Variants in PHACTR4 observed in about 807,000 individuals in gnomAD.
PHACTR4 encodes phosphatase and actin regulator 4.
In PHACTR4, 51 loss-of-function variants were observed where a neutral mutation model predicts 72.7. The observed-to-expected ratio is 0.70, with a 90% CI of 0.56 to 0.89. The LOEUF (loss-of-function observed/expected upper bound fraction) is 0.89, where lower values mean the gene tolerates loss of function less well. Among genes scored for constraint, PHACTR4 ranks in the 40% least tolerant of loss-of-function variants. The pLI is 0.00. For missense variants in PHACTR4, 731 were observed against 861.8 expected, an observed-to-expected ratio of 0.85 and a Z score of 1.90; for synonymous variants, 255 against 302.5, an observed-to-expected ratio of 0.84 and a Z score of 1.63.
intron 6 of PHACTR4, among the ~76,000 whole-genome samples, chr1:28,467,673 T>G (rs1300285829): frequency 6.6e-6 from 1 of 152,226 alleles, no homozygotes; most frequent in Non-Finnish European, 1.5e-5. Flanking sequence ...CACAGGGAAC[T>G]GCAGAAGCTA....
intron 4 of PHACTR4, among the ~76,000 whole-genome samples, chr1:28,462,217 CAG>C (rs1267146570): frequency 6.6e-6 from 1 of 151,344 alleles, no homozygotes; most frequent in Non-Finnish European, 1.5e-5. Context: ...CCATGTTGGC[CAG>C]ACTGGTCTCG....
At chr1:28,443,875 A>G (rs1294040415) in intron 2 of PHACTR4, among the ~76,000 whole-genome samples, 1 of 152,176 alleles carries the variant, frequency 6.6e-6, no homozygotes, top group Admixed American at 6.6e-5. Flanking sequence ...GAGTAGTACT[A>G]CAGTAAACAT....
At chr1:28,478,523 C>T (rs1660066305) in intron 8 of PHACTR4, among the ~76,000 whole-genome samples, 1 of 152,156 alleles carries the variant, frequency 6.6e-6, no homozygotes, top group African/African-American at 2.4e-5. Flanking sequence ...CCTCCGCCTC[C>T]CAGGTTCAAG....
At chr1:28,469,175 A>G (rs1659406140) in intron 6 of PHACTR4, among the ~76,000 whole-genome samples, 1 of 152,228 alleles carries the variant, frequency 6.6e-6, no homozygotes, top group Non-Finnish European at 1.5e-5. Context: ...TCACAAAAGG[A>G]TTATGATCAT....
At chr1:28,456,578 C>T (rs879389857) in intron 2 of PHACTR4, among the ~76,000 whole-genome samples, 3 of 152,102 alleles carry the variant, frequency 2.0e-5, no homozygotes, top group Admixed American at 1.3e-4. Context: ...ATCTTCCCAC[C>T]TCAGCCTCGC....
chr1:28,399,388 G>A (rs977083638), intron 1 of PHACTR4, among the ~76,000 whole-genome samples: 2 of 152,166 alleles, frequency 1.3e-5, no homozygotes, highest in Non-Finnish European at 2.9e-5. Flanking sequence ...AGTTTAGTAT[G>A]TCTCTACTGT....
intron 13 of PHACTR4, among the ~76,000 whole-genome samples, chr1:28,495,910 C>T (rs954606336): frequency 5.3e-5 from 8 of 151,800 alleles, no homozygotes; most frequent in Admixed American, 2.0e-4. Context: ...CATGAGCCAC[C>T]GTGACTGGCC....
At chr1:28,453,381 T>A (rs373315681) in intron 2 of PHACTR4, among the ~76,000 whole-genome samples, 2 of 151,308 alleles carry the variant, frequency 1.3e-5, no homozygotes, top group Admixed American at 6.6e-5. Flanking sequence ...CAGAGAAGAG[T>A]CATGACATTA....
intron 4 of PHACTR4, among the ~76,000 whole-genome samples, chr1:28,463,497 T>C (rs1457553541): frequency 6.6e-6 from 1 of 152,230 alleles, no homozygotes; most frequent in African/African-American, 2.4e-5. Context: ...AACTTTATTA[T>C]GTTGTTTTCA....
At chr1:28,488,680 TAGA>T (rs779289639) in intron 9 of PHACTR4, among the ~76,000 whole-genome samples, 8 of 152,144 alleles carry the variant, frequency 5.3e-5, no homozygotes, top group South Asian at 2.1e-4. Flanking sequence ...ATCTGAGTCA[TAGA>T]AGAAGTTTTG....
At chr1:28,395,270 G>A (rs1653405578) in intron 1 of PHACTR4, among the ~76,000 whole-genome samples, 2 of 151,486 alleles carry the variant, frequency 1.3e-5, no homozygotes, top group Non-Finnish European at 2.9e-5. Flanking sequence ...GATACATAAC[G>A]ATGCCAGAAA....
At chr1:28,476,772 C>CTTTTTTTTT (rs35369238) in intron 8 of PHACTR4, among the ~76,000 whole-genome samples, 2 of 98,432 alleles carry the variant, frequency 2.0e-5, no homozygotes, top group Non-Finnish European at 3.9e-5. Context: ...CTAGCCTGTT[C>CTTTTTTTTT]TTTTTTTTTT....
At chr1:28,370,258 C>T (rs1375282178) in intron 1 of PHACTR4, among the ~76,000 whole-genome samples, 2 of 152,180 alleles carry the variant, frequency 1.3e-5, no homozygotes, top group Non-Finnish European at 2.9e-5. Context: ...CTGCCTCAGA[C>T]CTCTGCACCC....
intron 6 of PHACTR4, 57 bp downstream of exon 6, chr1:28,466,825 T>C (rs1226613706): frequency 2.0e-5 from 30 of 1,533,564 alleles, no homozygotes; most frequent in Non-Finnish European, 2.6e-5. Context: ...TGGATGGTTA[T>C]TTTATTTGAT....
At chr1:28,453,668 GA>G in intron 2 of PHACTR4, 1 of 1,296,288 alleles carries the variant, frequency 7.7e-7, no homozygotes, top group Non-Finnish European at 1.1e-6. Flanking sequence ...AAATCAGATT[GA>G]AAGATGGACC....
Position 28,424,426 on chromosome 1 carries a change from A to G in PHACTR4, c.16+16963A>G, listed in dbSNP as rs1655704039. 2.6e-5 allele frequency among the ~76,000 whole-genome samples: 4 copies of G among 152,218 alleles called. No homozygotes were observed. The South Asian group carries it at 8.3e-4, about 32-fold the overall frequency. On this transcript the variant is annotated intron_variant, in intron 2 of 13. Coordinates refer to ENST00000373839, the MANE Select transcript of PHACTR4 (RefSeq NM_001048183.3). ...CCCACTTCAGCCTTCCAAAGTGCTA[A>G]GATTACAGGTGTGAGCCACCATATC...
Position 28,476,283 on chromosome 1 carries a change from GC to G in PHACTR4, c.1599del (p.Tyr534IlefsTer9). ...CGAGATGAAGAAGATGAAGATGAAA[GC>G]TATCAGAGTAAGAAAGGGAGGGAAA... ...QYRDEEDEDE[S>X]YQSALANKVK... On this transcript the variant is annotated frameshift_variant, in exon 8 of 14. Transcript: ENST00000373839. LOFTEE classifies it high-confidence loss of function. The G allele has an allele frequency of 6.3e-7, 1 of 1,593,968 alleles. No homozygotes were observed. The highest frequency in any genetic ancestry group is 8.5e-7 in the Non-Finnish European group (1 of 1,173,996).
At chr1:28,446,823 C>T (rs1657506528) in intron 2 of PHACTR4, among the ~76,000 whole-genome samples, 1 of 151,940 alleles carries the variant, frequency 6.6e-6, no homozygotes, top group South Asian at 2.1e-4. Flanking sequence ...TGCTCTCTTG[C>T]TCCTGTTCTG....
Position 28,410,325 on chromosome 1 carries a change from TG to T in PHACTR4, c.16+2863del, listed in dbSNP as rs540296872. On this transcript the variant is annotated intron_variant, in intron 2 of 13. Coordinates refer to ENST00000373839, the MANE Select transcript of PHACTR4 (RefSeq NM_001048183.3). The stretch of plus-strand genomic sequence containing the variant: ...TTAAATCTTGAAGAATTTGGTAAAC[TG>T]AGTTTTATTATAGTAGTCTGGTGAC... Among the ~76,000 whole-genome samples, 747 of 152,300 alleles carry T rather than the reference TG, an allele frequency of 4.9e-3. 9 individuals are homozygous for T. Among genetic ancestry groups the T allele is most frequent in the Non-Finnish European group, 7.7e-3 (524 of 68,028 alleles).
Sources: gnomAD v4.1 joint callset for allele counts (sites outside exome capture counted in the v4.1 genomes callset) on GRCh38, gnomAD v4.1.1 for gene constraint, MANE v1.5 for transcripts, NCBI Gene and HGNC (gene_info 2026-07-23, HGNC 2026-07-21) for gene names.